NARS1: variants seen among roughly 807,000 people sequenced by gnomAD.
NARS1 encodes the protein asparaginyl-tRNA synthetase 1, also known as asparagine--tRNA ligase, cytoplasmic.
Under a neutral mutation model 79.2 loss-of-function variants are expected in NARS1, and 65 were observed. The ratio of observed to expected loss-of-function variants is 0.82; its 90% confidence interval spans 0.67 to 1.01. The LOEUF (loss-of-function observed/expected upper bound fraction) is 1.01, where lower values mean the gene tolerates loss of function less well. Among genes scored for constraint, NARS1 ranks in the 50% least tolerant of loss-of-function variants. The probability of loss-of-function intolerance (pLI) is 0.00; values close to 1 mark genes in which losing one functional copy is unlikely to be tolerated. For missense variants in NARS1, 649 were observed against 673.8 expected (o/e 0.96, Z 0.41); for synonymous variants, 229 against 238.8 (o/e 0.96, Z 0.38).
At chr18:57,616,041 T>C in intron 2 of NARS1, 66 bp from the exon 3 acceptor site, 3 of 1,397,750 alleles carry the variant, frequency 2.1e-6, no homozygotes, top group Non-Finnish European at 2.9e-6. Flanking sequence ...CAAAATAACA[T>C]CTCAAGTATA....
intron 7 of NARS1, among the ~76,000 whole-genome samples, chr18:57,608,735 A>G (rs1029530852): frequency 2.6e-5 from 4 of 152,206 alleles, no homozygotes; most frequent in African/African-American, 9.7e-5. Flanking sequence ...GTGATGGTTA[A>G]TATTAAGAGT....
chr18:57,617,136 A>G (rs192038300), intron 2 of NARS1, among the ~76,000 whole-genome samples: 2 of 152,286 alleles, frequency 1.3e-5, no homozygotes, highest in East Asian at 1.9e-4. Flanking sequence ...TAAAAGATGA[A>G]TATTTTAAAG....
rs1178272884 is a variant in NARS1 at position 57,606,365 on chromosome 18, T to A, written c.1137+251A>T. 7.8e-3 allele frequency among the ~76,000 whole-genome samples: 1,145 copies of A among 145,906 alleles called. 30 individuals carry two copies. Among genetic ancestry groups the A allele is most frequent in the African/African-American group, 0.023 (931 of 40,224 alleles). ...GTCTCAAAAAAAAAATATATATATA[T>A]ATATATATATATATAACTTCAGACT... On this transcript the variant is annotated intron_variant, in intron 10 of 13. Transcript: ENST00000256854.
rs1001487841 is a variant in NARS1, at chr18:57,600,703, T to C, written c.*949A>G. On this transcript the variant is annotated 3_prime_UTR_variant, in exon 14 of 14. Coordinates refer to ENST00000256854, the MANE Select transcript of NARS1 (RefSeq NM_004539.4). ...ATTGACTGCTGGGAATACAGCCTAT[T>C]GAGAATACATGACATGCATTTGGTG... 6.6e-6 allele frequency: 1 copy of C among 152,204 alleles called. No homozygotes were observed. Among genetic ancestry groups the C allele is most frequent in the Non-Finnish European group, 1.5e-5 (1 of 68,040 alleles). 9.4% of individuals were successfully genotyped at this position (152,204 alleles called of 1,614,324 possible).
intron 10 of NARS1, 52 bp from the exon 11 acceptor site, chr18:57,606,022 T>A: frequency 8.6e-7 from 1 of 1,156,522 alleles, no homozygotes. Context: ...ATATAAACAT[T>A]AACACTAAAA....
Position 57,607,269 on chromosome 18 carries a change from T to C in NARS1, c.866A>G (p.Tyr289Cys), listed in dbSNP as rs752136046. The change falls in exon 9 of 14, where the codon TAT (tyrosine) becomes TGT (cysteine). Residue 289 changes from tyrosine to cysteine, a missense_variant. Tyr to Cys is a radical substitution (Grantham distance 194, BLOSUM62 -2). Coordinates refer to ENST00000256854, the MANE Select transcript of NARS1 (RefSeq NM_004539.4). ...EGGATLFKLD[Y>C]FGEEAFLTQS... ...AGTCAAAAATGCCTCTTCCCCAAAA[T>C]AGTCAAGCTTGAAGAGTGTGGCACC... 1.7e-5 allele frequency: 28 copies of C among 1,614,142 alleles called. No homozygotes were observed. Among genetic ancestry groups the C allele is most frequent in the East Asian group, 4.5e-5 (2 of 44,886 alleles).
chr18:57,607,077 A>T, intron 9 of NARS1, 57 bp downstream of exon 9: 1 of 1,492,608 alleles, frequency 6.7e-7, no homozygotes, highest in Non-Finnish European at 9.1e-7. Context: ...CTACACTAAG[A>T]TTTCTTCTCT....
intron 2 of NARS1, among the ~76,000 whole-genome samples, chr18:57,618,775 C>T (rs749958039): frequency 5.9e-5 from 9 of 151,876 alleles, no homozygotes; most frequent in East Asian, 1.9e-4. Context: ...GGTGACATGC[C>T]CCTGTGGTCC....
intron 1 of NARS1, 75 bp downstream of exon 1, chr18:57,621,633 A>G (rs1908308289): frequency 1.4e-6 from 2 of 1,424,776 alleles, no homozygotes; most frequent in Admixed American, 3.4e-5. Flanking sequence ...CACTAAGGAA[A>G]GCGCCGAAAC....
At chr18:57,615,441 G>A (rs1907977327) in intron 4 of NARS1, among the ~76,000 whole-genome samples, 200 bp downstream of exon 4, 1 of 151,756 alleles carries the variant, frequency 6.6e-6, no homozygotes, top group African/African-American at 2.4e-5. Context: ...GGCGGAGCTT[G>A]CAGTGAGCTG....
In NARS1 at chr18:57,607,569, C is replaced by G. The variant is rs778244918; in HGVS notation, c.676G>C (p.Val226Leu). 6.2e-7 allele frequency: 1 copy of G among 1,614,112 alleles called. No individual in the cohort carries two copies. Residue 226 changes from valine (V) to leucine (L), a missense_variant, in exon 8 of 14, where the codon GTT becomes CTT. Physicochemically the swap from Val to Leu is conservative, Grantham distance 32 (BLOSUM62 1). Coordinates refer to ENST00000256854, the MANE Select transcript of NARS1 (RefSeq NM_004539.4). ...ADNLINEESD[V>L]DVQLNNRHMM... ...TGTCTGTTGTTGAGCTGGACATCAA[C>G]GTCAGACTCCTCATTGATCAGGTTG...
At chr18:57,606,276 G>T (rs2051555304) in intron 10 of NARS1, among the ~76,000 whole-genome samples, 1 of 151,090 alleles carries the variant, frequency 6.6e-6, no homozygotes, top group Non-Finnish European at 1.5e-5. Flanking sequence ...AAGCTGGGAG[G>T]CAGAGGTTGC....
At chr18:57,604,331 C>T (rs915865008) in intron 11 of NARS1, among the ~76,000 whole-genome samples, 1 of 152,072 alleles carries the variant, frequency 6.6e-6, no homozygotes, top group Non-Finnish European at 1.5e-5. Context: ...GGTGAGAGGA[C>T]TGCTCGAGGC....
chr18:57,609,324 T>A (rs2051586196), intron 7 of NARS1, 33 bp downstream of exon 7: 1 of 1,511,170 alleles, frequency 6.6e-7, no homozygotes, highest in African/African-American at 1.4e-5. Flanking sequence ...AATAAACTAT[T>A]CATTCACCCA....
rs545071001 is a variant in NARS1 at position 57,607,038 on chromosome 18, G to GT, written c.1001+95dup. The GT allele has an allele frequency of 2.3e-3, 3,122 of 1,334,946 alleles. 4 individuals are homozygous for GT. The highest frequency in any genetic ancestry group is 2.8e-3 in the Non-Finnish European group (2,734 of 974,614). The allele number at this position is 1,334,946 out of a possible 1,614,324, so 82.7% of individuals were successfully genotyped here. A position where few individuals can be genotyped will look rare whatever the true frequency, so the allele number is the denominator to read the frequency against. On this transcript the variant is annotated intron_variant, in intron 9 of 13. Coordinates refer to ENST00000256854, the MANE Select transcript of NARS1 (RefSeq NM_004539.4). The stretch of plus-strand genomic sequence containing the variant: ...CATTAACCACTTAATATATCAGTTG[G>GT]TTTTTTTTAAAACATAAACATAATT...
Position 57,601,634 on chromosome 18 carries a change from C to T in NARS1, c.*18G>A, listed in dbSNP as rs2070109. 0.16 allele frequency: 256,140 copies of T among 1,609,278 alleles called. 22,879 individuals carry two copies. The highest frequency in any genetic ancestry group is 0.38 in the African/African-American group (28,363 of 74,756). The stretch of plus-strand genomic sequence containing the variant: ...TGTTCCTTTCATAATCTTTCCTCCA[C>T]GCTTCTGGAGAAAATGGTTATGGCG... On this transcript the variant is annotated 3_prime_UTR_variant, in exon 14 of 14. Coordinates refer to ENST00000256854, the MANE Select transcript of NARS1 (RefSeq NM_004539.4).
At chr18:57,611,514 A>C (rs1235760630) in intron 6 of NARS1, 123 bp downstream of exon 6, 3 of 619,796 alleles carry the variant, frequency 4.8e-6, no homozygotes, top group Non-Finnish European at 8.1e-6. Context: ...ATACAATGTG[A>C]TGTTTTGATT....
In NARS1 at chr18:57,605,957, G is replaced by C. The variant is rs373175625; in HGVS notation, c.1151C>G (p.Pro384Arg). 6.2e-7 allele frequency: 1 copy of C among 1,612,564 alleles called. No individual in the cohort carries two copies. Among genetic ancestry groups the C allele is most frequent in the Non-Finnish European group, 8.5e-7 (1 of 1,179,116 alleles). Residue 384 changes from proline (P) to arginine (R), a missense_variant, in exon 11 of 14, where the codon CCC (proline) becomes CGC (arginine). Transcript: ENST00000256854. ...GTTCATCCGTTTGAAAGGCCGTTTGGGGGGCTGAAAGTTCTACAGAAGAAA... is the reference window on the plus strand; with the variant it reads ...GTTCATCCGTTTGAAAGGCCGTTTGCGGGGCTGAAAGTTCTACAGAAGAAA... The part of the protein sequence containing the change: ...VHELNPNFQP[P>R]KRPFKRMNYS...
intron 7 of NARS1, among the ~76,000 whole-genome samples, chr18:57,608,725 G>A (rs774524653): frequency 6.6e-6 from 1 of 152,192 alleles, no homozygotes; most frequent in African/African-American, 2.4e-5. Context: ...TTTATATGCT[G>A]TGATGGTTAA....
Sources: allele counts gnomAD v4.1 joint callset (sites outside exome capture counted in the v4.1 genomes callset), GRCh38; gene constraint gnomAD v4.1.1; transcripts MANE v1.5; gene names NCBI Gene and HGNC (gene_info 2026-07-23, HGNC 2026-07-21).